The following FHIT variants were observed in gnomAD, a reference collection of about 807,000 sequenced individuals.
FHIT encodes the protein fragile histidine triad diadenosine triphosphatase.
In FHIT, 19 loss-of-function variants were observed where a neutral mutation model predicts 17.9. That is an observed-to-expected ratio of 1.06 (90% CI 0.74 to 1.56). FHIT has a LOEUF of 1.56. Among genes scored for constraint, FHIT ranks in the 40% most tolerant of loss-of-function variants. The probability of loss-of-function intolerance (pLI) is 0.00; values close to 1 mark genes in which losing one functional copy is unlikely to be tolerated. For missense variants in FHIT, 248 were observed against 189.2 expected, an observed-to-expected ratio of 1.31 and a Z score of -1.82; for synonymous variants, 81 against 69.7, an observed-to-expected ratio of 1.16 and a Z score of -0.81.
intron 3 of FHIT, among the ~76,000 whole-genome samples, chr3:60,953,841 C>G (rs529143999): frequency 6.6e-6 from 1 of 152,222 alleles, no homozygotes; most frequent in South Asian, 2.1e-4. Flanking sequence ...TATTGATTCC[C>G]TGCTGGTCTT....
At chr3:60,077,727 C>CATATATATAT (rs1441319713) in intron 5 of FHIT, among the ~76,000 whole-genome samples, 17 of 76,392 alleles carry the variant, frequency 2.2e-4, no homozygotes, top group African/African-American at 1.0e-3. Context: ...CACACACACA[C>CATATATATAT]ACATATATAG....
intron 3 of FHIT, among the ~76,000 whole-genome samples, chr3:60,832,042 G>T (rs1553742688): frequency 6.6e-6 from 1 of 152,086 alleles, no homozygotes; most frequent in East Asian, 1.9e-4. Flanking sequence ...AAGGATCAGA[G>T]ATAATACTAG....
At chr3:60,500,154 C>T (rs2107521664) in intron 5 of FHIT, among the ~76,000 whole-genome samples, 1 of 152,238 alleles carries the variant, frequency 6.6e-6, no homozygotes, top group Admixed American at 6.5e-5. Flanking sequence ...CTGCCTGATA[C>T]CTATTTTTGT....
chr3:60,999,441 C>T (rs1426129060), intron 3 of FHIT, among the ~76,000 whole-genome samples: 1 of 150,012 alleles, frequency 6.7e-6, no homozygotes, highest in Non-Finnish European at 1.5e-5. Flanking sequence ...GCTTTTTATT[C>T]TCCAAAGTGA....
intron 5 of FHIT, among the ~76,000 whole-genome samples, chr3:60,130,863 A>G (rs1415921748): frequency 6.8e-6 from 1 of 146,156 alleles, no homozygotes; most frequent in Non-Finnish European, 1.5e-5. Context: ...GTATACATGT[A>G]TATAGACACG....
intron 5 of FHIT, among the ~76,000 whole-genome samples, chr3:60,055,431 G>A (rs1306140399): frequency 6.7e-6 from 1 of 149,694 alleles, no homozygotes; most frequent in Non-Finnish European, 1.5e-5. Flanking sequence ...ACTGACAAAT[G>A]TATGGTGATG....
chr3:61,117,100 C>T (rs1327706352), intron 2 of FHIT, among the ~76,000 whole-genome samples: 3 of 152,042 alleles, frequency 2.0e-5, no homozygotes, highest in Non-Finnish European at 4.4e-5. Flanking sequence ...TTTATTAAGG[C>T]CTTCCAATAA....
At chr3:59,928,974 G>A (rs928524201) in intron 7 of FHIT, among the ~76,000 whole-genome samples, 15 of 116,040 alleles carry the variant, frequency 1.3e-4, no homozygotes, top group East Asian at 2.7e-4. Flanking sequence ...CAGCCTGGGC[G>A]ACAGAGTGAG....
intron 5 of FHIT, among the ~76,000 whole-genome samples, chr3:60,100,348 T>G (rs1576099221): frequency 6.6e-6 from 1 of 152,054 alleles, no homozygotes; most frequent in South Asian, 2.1e-4. Flanking sequence ...TGTGCCACTG[T>G]ACTCCATCCT....
intron 4 of FHIT, among the ~76,000 whole-genome samples, chr3:60,634,748 C>T (rs1038406950): frequency 6.6e-6 from 1 of 152,146 alleles, no homozygotes; most frequent in African/African-American, 2.4e-5. Flanking sequence ...GTTAGAAACC[C>T]GAAGTGTTCC....
At chr3:60,343,841 C>G (rs959490440) in intron 5 of FHIT, among the ~76,000 whole-genome samples, 2 of 152,174 alleles carry the variant, frequency 1.3e-5, no homozygotes, top group Non-Finnish European at 2.9e-5. Flanking sequence ...AAACTAACTT[C>G]TTTCCCAACA....
intron 3 of FHIT, among the ~76,000 whole-genome samples, chr3:60,957,859 G>C (rs1575752509): frequency 6.6e-6 from 1 of 152,194 alleles, no homozygotes; most frequent in Non-Finnish European, 1.5e-5. Context: ...ACATAGGTGA[G>C]CTTCTGGAAA....
intron 4 of FHIT, among the ~76,000 whole-genome samples, chr3:60,552,516 T>A (rs751889186): frequency 6.6e-6 from 1 of 152,188 alleles, no homozygotes; most frequent in Non-Finnish European, 1.5e-5. Flanking sequence ...AATTAATTGG[T>A]CTGGCTGAGA....
chr3:60,066,080 T>C (rs907356579), intron 5 of FHIT, among the ~76,000 whole-genome samples: 2 of 152,162 alleles, frequency 1.3e-5, no homozygotes, highest in Non-Finnish European at 2.9e-5. Context: ...GCTGAACTCA[T>C]TCCCAGAAAA....
intron 2 of FHIT, among the ~76,000 whole-genome samples, chr3:61,086,055 A>C (rs1186835220): frequency 6.6e-6 from 1 of 152,148 alleles, no homozygotes; most frequent in Non-Finnish European, 1.5e-5. Context: ...TCTGCAAATA[A>C]AAGAATTTTA....
At chr3:60,962,781 A>G (rs1709525447) in intron 3 of FHIT, among the ~76,000 whole-genome samples, 1 of 152,174 alleles carries the variant, frequency 6.6e-6, no homozygotes, top group Non-Finnish European at 1.5e-5. Context: ...GATGAAGCCA[A>G]CTTGATCGTG....
intron 7 of FHIT, among the ~76,000 whole-genome samples, chr3:59,988,786 G>T (rs114931764): frequency 0.01 from 1,574 of 152,194 alleles, 31 homozygotes; most frequent in African/African-American, 0.036. Flanking sequence ...CAGAAGCAGA[G>T]GTTAAGTAAG....
intron 5 of FHIT, among the ~76,000 whole-genome samples, chr3:60,038,538 T>C (rs773945418): frequency 1.3e-5 from 2 of 152,214 alleles, no homozygotes; most frequent in South Asian, 4.1e-4. Context: ...TCAATATGCA[T>C]GAAACGCTTG....
intron 4 of FHIT, among the ~76,000 whole-genome samples, chr3:60,588,466 G>A (rs1332258353): frequency 6.6e-6 from 1 of 151,888 alleles, no homozygotes; most frequent in East Asian, 1.9e-4. Context: ...AGGAGAAAGG[G>A]AGAAAAAGAA....
Sources: allele counts gnomAD v4.1 joint callset (sites outside exome capture counted in the v4.1 genomes callset), GRCh38; gene constraint gnomAD v4.1.1; transcripts MANE v1.5; gene names NCBI Gene and HGNC (gene_info 2026-07-23, HGNC 2026-07-21).